The following HHLA1 variants were observed in gnomAD, a reference collection of about 807,000 sequenced individuals.
HHLA1 encodes the protein HHLA1 neighbor of OC90, also known as HERV-H LTR-associating protein 1.
In HHLA1, 72 loss-of-function variants were observed where a neutral mutation model predicts 69.9. The ratio of observed to expected loss-of-function variants is 1.03; its 90% CI spans 0.85 to 1.25. The LOEUF (loss-of-function observed/expected upper bound fraction) is 1.25. HHLA1 is among the 50% of genes most tolerant of loss of function. HHLA1 has a pLI of 0.00. For synonymous variants in HHLA1, 252 were observed against 233.2 expected (o/e 1.08, Z -0.73); for missense variants, 685 against 642.2 (o/e 1.07, Z -0.72).
At chr8:132,084,356 G>A (rs980755094) in intron 10 of HHLA1, among the ~76,000 whole-genome samples, 14 of 152,018 alleles carry the variant, frequency 9.2e-5, no homozygotes, top group Admixed American at 6.6e-4. Context: ...AAGACTCAGC[G>A]ACGCTTGGGG....
rs1481741037 is a variant in HHLA1, at chr8:132,065,920, G to T, written c.1518C>A (p.Ile506=). The T allele has an allele frequency of 1.7e-5, 22 of 1,303,048 alleles. No homozygotes were observed. Among genetic ancestry groups the T allele is most frequent in the Admixed American group, 2.3e-5 (1 of 43,562 alleles). The allele number at this position is 1,303,048 out of a possible 1,614,324, so 80.7% of individuals were successfully genotyped here. Residue 506 remains isoleucine (I), a synonymous_variant, in exon 16 of 17, where the codon ATC becomes ATA. Transcript: ENST00000414222. The part of the protein sequence containing the change: ...YSWFLKNATY[I]CQRVKRVSHS... ...GGGACACCCTTTTCACCCTCTGACA[G>T]ATATATGTTGCATTCTTCAGAAACC...
intron 4 of HHLA1, 28 bp downstream of exon 4, chr8:132,100,047 C>T (rs1463853619): frequency 2.6e-6 from 4 of 1,543,944 alleles, no homozygotes; most frequent in Non-Finnish European, 3.5e-6. Context: ...CCCAGACAAC[C>T]CAAGGGATTT....
chr8:132,070,430 C>T (rs567584213), intron 15 of HHLA1: 9 of 699,894 alleles, frequency 1.3e-5, no homozygotes, highest in East Asian at 2.7e-5. Context: ...TAGCAAATCT[C>T]GCCAGGCTGA....
intron 16 of HHLA1, among the ~76,000 whole-genome samples, chr8:132,065,551 G>A (rs940795918): frequency 1.1e-4 from 17 of 152,148 alleles, no homozygotes; most frequent in Non-Finnish European, 1.6e-4. Flanking sequence ...CAAAGTGCTG[G>A]GATTACAGGC....
In HHLA1 at chr8:132,085,222, C is replaced by T. The variant is rs376285439; in HGVS notation, c.676+2431G>A. Among the ~76,000 whole-genome samples, 19 of 152,298 alleles carry T rather than the reference C, an allele frequency of 1.2e-4. No individual in the cohort carries two copies. In the East Asian group the frequency reaches 2.7e-3, roughly 22 times the overall value. ...CCAAGGGAAGGCTGCCTTCCCAGTCCGTGACCGGCGCTGGAGTTTTGGGTT... is the reference window on the plus strand; with the variant it reads ...CCAAGGGAAGGCTGCCTTCCCAGTCTGTGACCGGCGCTGGAGTTTTGGGTT... On this transcript the variant is annotated intron_variant, in intron 10 of 16. Transcript: ENST00000414222.
intron 15 of HHLA1, among the ~76,000 whole-genome samples, chr8:132,067,626 A>G (rs1001979838): frequency 2.0e-5 from 3 of 152,158 alleles, no homozygotes; most frequent in African/African-American, 7.2e-5. Context: ...TGGACAAGAG[A>G]GCAACCACAA....
At chr8:132,065,092 G>C (rs994935129) in intron 16 of HHLA1, among the ~76,000 whole-genome samples, 2 of 152,122 alleles carry the variant, frequency 1.3e-5, no homozygotes, top group African/African-American at 4.8e-5. Flanking sequence ...CCAAACTATG[G>C]GTTTTGGGAT....
At chr8:132,096,706 A>T (rs933612968) in intron 5 of HHLA1, among the ~76,000 whole-genome samples, 4 of 152,190 alleles carry the variant, frequency 2.6e-5, no homozygotes, top group African/African-American at 9.7e-5. Flanking sequence ...GCACCTATTA[A>T]AAGGGCACAT....
chr8:132,096,263 A>G (rs906754842), intron 5 of HHLA1, among the ~76,000 whole-genome samples: 1 of 152,120 alleles, frequency 6.6e-6, no homozygotes, highest in Non-Finnish European at 1.5e-5. Context: ...TCTCTGTTCT[A>G]TCATCACATG....
At chr8:132,079,117 T>C (rs1823695484) in intron 11 of HHLA1, among the ~76,000 whole-genome samples, 1 of 152,242 alleles carries the variant, frequency 6.6e-6, no homozygotes, top group Admixed American at 6.5e-5. Context: ...AAGATAAGCA[T>C]GCCTTTTGTG....
intron 10 of HHLA1, among the ~76,000 whole-genome samples, chr8:132,086,823 T>C (rs1823872354): frequency 6.6e-6 from 1 of 152,136 alleles, no homozygotes; most frequent in African/African-American, 2.4e-5. Context: ...CTACAATAAA[T>C]ATAAAGCAAA....
At position 132,105,400 on chromosome 8, in the gene HHLA1, G is replaced by C. The variant is rs186339385; in HGVS notation, c.-21-114C>G. 9.3e-5 allele frequency: 63 copies of C among 676,488 alleles called. No homozygotes were observed. In the African/African-American group the frequency reaches 1.0e-3, roughly 11 times the overall value. The allele number at this position is 676,488 out of a possible 1,614,324, so 41.9% of individuals were successfully genotyped here. ...ACAATCTGAAAAAGGCTTTGTACTA[G>C]GTTAGGAGAGGTTAGGAAGCTAAGG... is the stretch of plus-strand genomic sequence containing the variant. On this transcript the variant is annotated intron_variant, in intron 1 of 16. Transcript: ENST00000414222.
At chr8:132,103,298 G>A (rs367647944) in intron 3 of HHLA1, among the ~76,000 whole-genome samples, 3 of 152,116 alleles carry the variant, frequency 2.0e-5, no homozygotes, top group Admixed American at 6.5e-5. Flanking sequence ...TGAACTATGT[G>A]AATGTACTAA....
At chr8:132,093,203 A>T (rs1823971941) in intron 7 of HHLA1, among the ~76,000 whole-genome samples, 2 of 152,198 alleles carry the variant, frequency 1.3e-5, no homozygotes, top group Admixed American at 1.3e-4. Context: ...TTATATAGGT[A>T]GTGTAGACAG....
chr8:132,106,142 T>G lies in HHLA1; in HGVS notation c.-21-856A>C, dbSNP rs145253372. Among the ~76,000 whole-genome samples the G allele has an allele frequency of 3.7e-3, 558 of 152,238 alleles. 4 individuals are homozygous for G. The highest frequency in any genetic ancestry group is 0.013 in the African/African-American group (540 of 41,538). On this transcript the variant is annotated intron_variant, in intron 1 of 16. Transcript: ENST00000414222. ...ACAATTTAAATACAGGCTGCACAGATACGATTTGAAAAGAGGAGAAATTTA... is the reference window on the plus strand; with the variant it reads ...ACAATTTAAATACAGGCTGCACAGAGACGATTTGAAAAGAGGAGAAATTTA...
At chr8:132,075,195 A>T (rs1823614747) in intron 14 of HHLA1, among the ~76,000 whole-genome samples, 1 of 152,196 alleles carries the variant, frequency 6.6e-6, no homozygotes, top group Non-Finnish European at 1.5e-5. Flanking sequence ...AGGCTGGGGC[A>T]GATCTAAGGT....
intron 16 of HHLA1, among the ~76,000 whole-genome samples, chr8:132,064,920 G>C (rs1823408907): frequency 6.6e-6 from 1 of 152,178 alleles, no homozygotes; most frequent in African/African-American, 2.4e-5. Flanking sequence ...TGTTTCGTTT[G>C]TTTGTTCAAA....
At chr8:132,102,659 A>C in intron 3 of HHLA1, among the ~76,000 whole-genome samples, 1 of 152,196 alleles carries the variant, frequency 6.6e-6, no homozygotes, top group South Asian at 2.1e-4. Context: ...TCCTCCATGC[A>C]GGTGAGGGAC....
chr8:132,087,650 C>T lies in HHLA1; in HGVS notation c.676+3G>A. On this transcript the variant is annotated splice_donor_region_variant and intron_variant, in intron 10 of 16. Coordinates refer to ENST00000414222, the MANE Select transcript of HHLA1 (RefSeq NM_001145095.3). ...GGGAGGAGTTTGGGAGGTTGGTACT[C>T]ACCCAGAACACCAGACAAGCCGCTG... 1.3e-6 allele frequency: 2 copies of T among 1,548,096 alleles called. No homozygotes were observed. Among genetic ancestry groups the T allele is most frequent in the Non-Finnish European group, 1.7e-6 (2 of 1,143,820 alleles).
Sources: gnomAD v4.1 joint callset for allele counts (sites outside exome capture counted in the v4.1 genomes callset) on GRCh38, gnomAD v4.1.1 for gene constraint, MANE v1.5 for transcripts, NCBI Gene and HGNC (gene_info 2026-07-23, HGNC 2026-07-21) for gene names.